Variants in CACNG2 observed in about 807,000 individuals in gnomAD.
CACNG2 encodes voltage-dependent calcium channel gamma-2 subunit.
CACNG2 carries 3 observed loss-of-function variants against 25.9 expected under a neutral mutation model. The ratio of observed to expected loss-of-function variants is 0.12; its 90% CI spans 0.05 to 0.30. CACNG2 has a LOEUF of 0.30. Among genes scored for constraint, CACNG2 ranks in the 10% least tolerant of loss-of-function variants. CACNG2 has a pLI of 1.00. For missense variants in CACNG2, 341 were observed against 432.5 expected, an observed-to-expected ratio of 0.79 and a Z score of 1.88; for synonymous variants, 167 against 173.3, an observed-to-expected ratio of 0.96 and a Z score of 0.29.
chr22:36,616,859 T>C (rs985640693), intron 1 of CACNG2, among the ~76,000 whole-genome samples: 1 of 152,208 alleles, frequency 6.6e-6, no homozygotes, highest in African/African-American at 2.4e-5. Flanking sequence ...GATCTATTTA[T>C]TTTCTACTCT....
At chr22:36,680,108 C>T (rs1195691124) in intron 1 of CACNG2, among the ~76,000 whole-genome samples, 4 of 152,008 alleles carry the variant, frequency 2.6e-5, no homozygotes, top group South Asian at 4.1e-4. Context: ...ATCACTGCCA[C>T]CTGCATCATG....
At chr22:36,644,428 C>T (rs924111297) in intron 1 of CACNG2, among the ~76,000 whole-genome samples, 1 of 152,226 alleles carries the variant, frequency 6.6e-6, no homozygotes, top group African/African-American at 2.4e-5. Context: ...GGAAGATGCT[C>T]TCCAAGGTGC....
chr22:36,570,684 A>G (rs749683085), intron 2 of CACNG2, among the ~76,000 whole-genome samples: 2 of 150,172 alleles, frequency 1.3e-5, no homozygotes, highest in Non-Finnish European at 2.9e-5. Context: ...GATAGCTTCA[A>G]CTTGGGAGGC....
chr22:36,614,429 G>T (rs897534799), intron 1 of CACNG2, among the ~76,000 whole-genome samples: 1 of 152,108 alleles, frequency 6.6e-6, no homozygotes, highest in African/African-American at 2.4e-5. Flanking sequence ...GCTCCTTCTG[G>T]TTCCCATGGC....
chr22:36,634,712 A>T (rs1936328753), intron 1 of CACNG2, among the ~76,000 whole-genome samples: 1 of 152,230 alleles, frequency 6.6e-6, no homozygotes, highest in Non-Finnish European at 1.5e-5. Context: ...CATTACACAT[A>T]GATCTTGTGC....
In CACNG2 at chr22:36,595,173, G is replaced by T. The variant is rs372963139; in HGVS notation, c.212-7625C>A. ...TAGGCGTGATGAGGAAGTGGTGGAG[G>T]GTTGAGAAGGGCTTTCTAGCAAGAG... On this transcript the variant is annotated intron_variant, in intron 1 of 3. Coordinates refer to ENST00000300105, the MANE Select transcript of CACNG2 (RefSeq NM_006078.5). 8.6e-5 allele frequency among the ~76,000 whole-genome samples: 13 copies of T among 152,016 alleles called. No homozygotes were observed. In the South Asian group the frequency reaches 2.7e-3, roughly 31 times the overall value.
intron 1 of CACNG2, among the ~76,000 whole-genome samples, chr22:36,666,718 A>T (rs1048097316): frequency 6.6e-6 from 1 of 151,416 alleles, no homozygotes; most frequent in Non-Finnish European, 1.5e-5. Context: ...AGAAAAAAAA[A>T]TAAAACCAAC....
At chr22:36,663,606 A>G (rs1936831386) in intron 1 of CACNG2, among the ~76,000 whole-genome samples, 1 of 152,170 alleles carries the variant, frequency 6.6e-6, no homozygotes, top group Non-Finnish European at 1.5e-5. Context: ...AGGGACCTTT[A>G]ATCTTTATTA....
intron 2 of CACNG2, among the ~76,000 whole-genome samples, chr22:36,576,408 G>C (rs981305129): frequency 1.3e-5 from 2 of 152,086 alleles, no homozygotes; most frequent in African/African-American, 4.8e-5. Context: ...GGTATAAAAG[G>C]CTACAAATTG....
At chr22:36,661,618 G>A (rs570067836) in intron 1 of CACNG2, among the ~76,000 whole-genome samples, 1 of 152,358 alleles carries the variant, frequency 6.6e-6, no homozygotes, top group African/African-American at 2.4e-5. Flanking sequence ...AGCATCTGAG[G>A]TGGAAGGCAG....
intron 2 of CACNG2, among the ~76,000 whole-genome samples, chr22:36,566,732 C>A (rs984502739): frequency 2.6e-5 from 4 of 152,220 alleles, no homozygotes; most frequent in Non-Finnish European, 5.9e-5. Context: ...GTCAGGCACA[C>A]AGGGCCCTGT....
intron 1 of CACNG2, among the ~76,000 whole-genome samples, chr22:36,680,622 T>C (rs995409747): frequency 2.5e-4 from 30 of 121,614 alleles, no homozygotes; most frequent in South Asian, 9.0e-4. Flanking sequence ...ACTACCACCA[T>C]CACCACCACT....
At chr22:36,571,772 G>A (rs1390966030) in intron 2 of CACNG2, among the ~76,000 whole-genome samples, 1 of 151,786 alleles carries the variant, frequency 6.6e-6, no homozygotes, top group Non-Finnish European at 1.5e-5. Context: ...AGCTACTTGG[G>A]GGGCTGAGGC....
chr22:36,642,356 C>A (rs937564979), intron 1 of CACNG2, among the ~76,000 whole-genome samples: 1 of 152,172 alleles, frequency 6.6e-6, no homozygotes, highest in African/African-American at 2.4e-5. Flanking sequence ...TTCCACTCCA[C>A]CCCCAATGCA....
chr22:36,596,186 T>G (rs1333130395), intron 1 of CACNG2, among the ~76,000 whole-genome samples: 1 of 152,200 alleles, frequency 6.6e-6, no homozygotes, highest in African/African-American at 2.4e-5. Flanking sequence ...ATTTTTTAAG[T>G]GAAGCAAAGG....
Position 36,566,950 on chromosome 22 carries a change from A to G in CACNG2, c.296-457T>C, listed in dbSNP as rs540998572. ...CCCAGCTCGAAGTCCCCTCTTCTGT[A>G]AAGCCTTCCCTGACTTCCTTAGGCA... On this transcript the variant is annotated intron_variant, in intron 2 of 3. Coordinates refer to ENST00000300105, the MANE Select transcript of CACNG2 (RefSeq NM_006078.5). 4.6e-5 allele frequency among the ~76,000 whole-genome samples: 7 copies of G among 152,338 alleles called. No homozygotes were observed. The South Asian group carries it at 1.4e-3, about 32-fold the overall frequency.
chr22:36,687,762 G>C (rs568997093), intron 1 of CACNG2, among the ~76,000 whole-genome samples: 186 of 152,208 alleles, frequency 1.2e-3, no homozygotes, highest in African/African-American at 4.4e-3. Context: ...TTAGGTGTGA[G>C]GGGGGAAGCA....
At chr22:36,653,962 GTGTGTGTGTGTGTGTGTCTC>G (rs1936664318) in intron 1 of CACNG2, among the ~76,000 whole-genome samples, 1 of 102,874 alleles carries the variant, frequency 9.7e-6, no homozygotes, top group Admixed American at 1.0e-4. Context: ...CAGTGTGTTT[GTGTGTGTGTGTGTGTGTCTC>G]TGTGTGTGTG....
chr22:36,600,823 A>T (rs952983890), intron 1 of CACNG2, among the ~76,000 whole-genome samples: 1 of 152,176 alleles, frequency 6.6e-6, no homozygotes, highest in African/African-American at 2.4e-5. Flanking sequence ...CTGAGATTAT[A>T]GGCATGAACC....
Sources: allele counts gnomAD v4.1 joint callset (sites outside exome capture counted in the v4.1 genomes callset), GRCh38; gene constraint gnomAD v4.1.1; transcripts MANE v1.5; gene names NCBI Gene and HGNC (gene_info 2026-07-23, HGNC 2026-07-21).